Variants in NAALADL2 observed in about 807,000 individuals in gnomAD.
NAALADL2 encodes N-acetylated alpha-linked acidic dipeptidase like 2, also known as inactive N-acetylated-alpha-linked acidic dipeptidase-like protein 2.
NAALADL2 carries 76 observed loss-of-function variants against 87.2 expected under a neutral mutation model. The observed-to-expected ratio is 0.87, with a 90% CI of 0.72 to 1.05. The LOEUF is 1.05. Ranked by LOEUF, NAALADL2 falls within the 50% of genes least tolerant of loss-of-function variation. The probability of loss-of-function intolerance (pLI) is 0.00; values close to 1 mark genes in which losing one functional copy is unlikely to be tolerated. For synonymous variants in NAALADL2, 354 were observed against 331.0 expected (o/e 1.07, Z -0.75); for missense variants, 1,089 against 945.8 (o/e 1.15, Z -1.99).
chr3:175,621,017 GA>G (rs2149700010), intron 10 of NAALADL2, among the ~76,000 whole-genome samples: 1 of 152,246 alleles, frequency 6.6e-6, no homozygotes, highest in Non-Finnish European at 1.5e-5. Flanking sequence ...GGTATTTTTG[GA>G]AAAGGCAACA....
intron 2 of NAALADL2, among the ~76,000 whole-genome samples, chr3:175,192,134 T>C (rs183178865): frequency 3.7e-4 from 56 of 152,252 alleles, no homozygotes; most frequent in African/African-American, 1.3e-3. Flanking sequence ...TCAAACACTT[T>C]GGGCTTTACT....
intron 2 of NAALADL2, among the ~76,000 whole-genome samples, chr3:175,189,521 T>C (rs929001896): frequency 6.6e-6 from 1 of 151,630 alleles, no homozygotes; most frequent in African/African-American, 2.4e-5. Flanking sequence ...CCTAAGGAGG[T>C]AAAAGTTTCT....
Position 175,803,210 on chromosome 3 carries a change from T to G in NAALADL2, c.*7T>G. 10 of 1,577,954 alleles carry G rather than the reference T, an allele frequency of 6.3e-6. No homozygotes were observed. The highest frequency in any genetic ancestry group is 8.6e-6 in the Non-Finnish European group (10 of 1,161,154). On this transcript the variant is annotated 3_prime_UTR_variant, in exon 14 of 14. Transcript: ENST00000454872. ...CTTGGATGGGAAGAATTGAGAAAAC[T>G]CTGAGCATTTTTAAAAGTTTGTTTA...
At chr3:175,625,454 G>C (rs1726850934) in intron 10 of NAALADL2, among the ~76,000 whole-genome samples, 1 of 151,900 alleles carries the variant, frequency 6.6e-6, no homozygotes, top group African/African-American at 2.4e-5. Flanking sequence ...AGTGCACATG[G>C]GACTTTTTAG....
Position 175,711,265 on chromosome 3 carries a change from A to G in NAALADL2, c.1897-26041A>G, listed in dbSNP as rs1391146098. Among the ~76,000 whole-genome samples, 4 of 152,010 alleles carry G rather than the reference A, an allele frequency of 2.6e-5. No individual in the cohort carries two copies. In the East Asian group the frequency reaches 7.7e-4, roughly 29 times the overall value. ...AATAAGCATCTACAGATGAGGTATGATTAGAAAATGCAATCTCTTTTACAG... is the reference window on the plus strand; with the variant it reads ...AATAAGCATCTACAGATGAGGTATGGTTAGAAAATGCAATCTCTTTTACAG... On this transcript the variant is annotated intron_variant, in intron 11 of 13. Transcript: ENST00000454872.
At chr3:175,364,477 G>A (rs759483117) in intron 5 of NAALADL2, among the ~76,000 whole-genome samples, 2 of 147,542 alleles carry the variant, frequency 1.4e-5, no homozygotes, top group Admixed American at 1.4e-4. Flanking sequence ...TTGTACATTC[G>A]GGAGTGATAT....
chr3:174,745,294 A>G (rs965885331), intron 3 of NAALADL2, among the ~76,000 whole-genome samples: 1 of 152,188 alleles, frequency 6.6e-6, no homozygotes, highest in Non-Finnish European at 1.5e-5. Flanking sequence ...ACAAACAACC[A>G]TCACAGAATA....
At chr3:174,641,443 G>A (rs1560111212) in intron 2 of NAALADL2, among the ~76,000 whole-genome samples, 1 of 152,240 alleles carries the variant, frequency 6.6e-6, no homozygotes, top group East Asian at 1.9e-4. Context: ...GGTGAAAATC[G>A]ATGCAGAATT....
chr3:174,618,079 G>T (rs532023174), intron 2 of NAALADL2, among the ~76,000 whole-genome samples: 30 of 151,790 alleles, frequency 2.0e-4, no homozygotes, highest in East Asian at 1.2e-3. Context: ...ATCTAAAGAG[G>T]TTTTAAATTT....
chr3:174,826,480 A>C (rs1212291953), intron 3 of NAALADL2, among the ~76,000 whole-genome samples: 4 of 152,206 alleles, frequency 2.6e-5, no homozygotes, highest in Non-Finnish European at 5.9e-5. Context: ...GGCCTCATTA[A>C]ATGTTGGCAA....
At chr3:175,011,144 G>C (rs983844629) in intron 1 of NAALADL2, among the ~76,000 whole-genome samples, 1 of 151,940 alleles carries the variant, frequency 6.6e-6, no homozygotes, top group Non-Finnish European at 1.5e-5. Flanking sequence ...CATAATTTGG[G>C]GCAGCCATAT....
At chr3:174,831,979 T>C (rs1722760078) in intron 3 of NAALADL2, among the ~76,000 whole-genome samples, 2 of 151,914 alleles carry the variant, frequency 1.3e-5, no homozygotes, top group South Asian at 2.1e-4. Flanking sequence ...TTTTATTGCG[T>C]CTATTTGATT....
At chr3:175,009,863 CTTA>C (rs1207196148) in intron 1 of NAALADL2, among the ~76,000 whole-genome samples, 1 of 152,026 alleles carries the variant, frequency 6.6e-6, no homozygotes, top group Non-Finnish European at 1.5e-5. Flanking sequence ...GCCGAGTTTA[CTTA>C]TTAGTTTTTA....
chr3:175,229,123 C>T (rs1377636683), intron 2 of NAALADL2, among the ~76,000 whole-genome samples: 1 of 151,690 alleles, frequency 6.6e-6, no homozygotes, highest in Non-Finnish European at 1.5e-5. Flanking sequence ...ACATCTTTAA[C>T]CTGACATATA....
At chr3:175,148,398 G>A (rs1056678570) in intron 2 of NAALADL2, among the ~76,000 whole-genome samples, 8 of 151,912 alleles carry the variant, frequency 5.3e-5, no homozygotes, top group Non-Finnish European at 1.2e-4. Context: ...GTTGTCTGTT[G>A]ATTTTGTTGA....
chr3:175,029,131 A>T (rs1157203085), intron 1 of NAALADL2, among the ~76,000 whole-genome samples: 1 of 151,752 alleles, frequency 6.6e-6, no homozygotes, highest in Non-Finnish European at 1.5e-5. Context: ...AATAGTCCCC[A>T]AATCCACAAT....
chr3:175,208,446 C>G (rs980556047), intron 2 of NAALADL2, among the ~76,000 whole-genome samples: 1 of 152,090 alleles, frequency 6.6e-6, no homozygotes, highest in African/African-American at 2.4e-5. Flanking sequence ...CCATTCAGAA[C>G]ACGAACAGCC....
intron 5 of NAALADL2, among the ~76,000 whole-genome samples, chr3:175,381,166 C>G (rs1289880347): frequency 6.6e-6 from 1 of 151,674 alleles, no homozygotes; most frequent in East Asian, 1.9e-4. Context: ...TTTGTACAAA[C>G]TTTCTACAGT....
chr3:175,503,905 T>C (rs1310283661), intron 9 of NAALADL2, among the ~76,000 whole-genome samples: 1 of 152,210 alleles, frequency 6.6e-6, no homozygotes, highest in Admixed American at 6.5e-5. Context: ...TGATAATTCC[T>C]TGTGCTGTGC....
Sources: allele counts gnomAD v4.1 joint callset (sites outside exome capture counted in the v4.1 genomes callset), GRCh38; gene constraint gnomAD v4.1.1; transcripts MANE v1.5; gene names NCBI Gene and HGNC (gene_info 2026-07-23, HGNC 2026-07-21).